VTI1A: variants seen among roughly 807,000 people sequenced by gnomAD.
The protein encoded by VTI1A is vesicle transport through interaction with t-SNAREs 1A.
VTI1A carries 22 observed loss-of-function variants against 34.9 expected under a neutral mutation model. The ratio of observed to expected loss-of-function variants is 0.63; its 90% confidence interval spans 0.45 to 0.90. The LOEUF (loss-of-function observed/expected upper bound fraction) is 0.90, where lower values mean the gene tolerates loss of function less well. Ranked by LOEUF, VTI1A falls within the 40% of genes least tolerant of loss-of-function variation. The pLI, the probability that VTI1A is intolerant of heterozygous loss-of-function variation, is 0.00. For synonymous variants in VTI1A, 87 were observed against 97.3 expected (o/e 0.89, Z 0.62); for missense variants, 268 against 275.6 (o/e 0.97, Z 0.20).
chr10:112,849,421 GC>G, the VTI1A span, among the ~76,000 whole-genome samples: 4 of 152,188 alleles, frequency 2.6e-5, no homozygotes. Context: ...GGGAGCTGGA[GC>G]CTGGGGCAAC....
In VTI1A at chr10:112,767,214, C is replaced by T. The variant is rs1022758091; in HGVS notation, c.561-48076C>T. Among the ~76,000 whole-genome samples the T allele has an allele frequency of 6.6e-6, 1 of 152,300 alleles. No individual in the cohort carries two copies. Among genetic ancestry groups the T allele is most frequent in the African/African-American group, 2.4e-5 (1 of 41,572 alleles). On this transcript the variant is annotated intron_variant, in intron 7 of 7. Transcript: ENST00000393077. This position sits in a 1 kb window ranked among gnomAD's most constrained non-coding sequence, Gnocchi z 4.0. ...TGTGCTAAGCTCTTATATGTGTTAG[C>T]GCATTTTAATTCTCACAGCAATCTT... is the stretch of plus-strand genomic sequence containing the variant.
In VTI1A at chr10:112,817,564, G is replaced by C. The variant is rs906744256; in HGVS notation, c.*2181G>C. 6 of 229,358 alleles carry C rather than the reference G, an allele frequency of 2.6e-5. No homozygotes were observed. Among genetic ancestry groups the C allele is most frequent in the African/African-American group, 4.4e-5 (2 of 45,138 alleles). 14.2% of individuals were successfully genotyped at this position (229,358 alleles called of 1,614,324 possible). ...TAACAGCTCCATCAAACCTCCTTGA[G>C]AGCAACTACCTAGGCCAGGCTAGTG... is the stretch of plus-strand genomic sequence containing the variant. On this transcript the variant is annotated 3_prime_UTR_variant, in exon 8 of 8. Coordinates refer to ENST00000393077, the MANE Select transcript of VTI1A (RefSeq NM_145206.4).
At chr10:112,697,882 G>GTGTA (rs1363097797) in intron 7 of VTI1A, among the ~76,000 whole-genome samples, 1 of 151,670 alleles carries the variant, frequency 6.6e-6, no homozygotes, top group Non-Finnish European at 1.5e-5. Flanking sequence ...GTGTGTGTGT[G>GTGTA]TGTGTGTGTG....
At chr10:112,813,792 G>A (rs929778277) in intron 7 of VTI1A, among the ~76,000 whole-genome samples, 1 of 152,184 alleles carries the variant, frequency 6.6e-6, no homozygotes, top group South Asian at 2.1e-4. Flanking sequence ...AGTGGGGAAG[G>A]GAAGAACTAA....
intron 5 of VTI1A, among the ~76,000 whole-genome samples, chr10:112,615,631 A>G (rs773249451): frequency 6.6e-6 from 1 of 152,216 alleles, no homozygotes; most frequent in Non-Finnish European, 1.5e-5. Flanking sequence ...GATTGATGGA[A>G]AGTCCAAAGG....
At chr10:112,475,217 A>G (rs1204419500) in intron 3 of VTI1A, among the ~76,000 whole-genome samples, 2 of 152,240 alleles carry the variant, frequency 1.3e-5, no homozygotes, top group Admixed American at 1.3e-4. Flanking sequence ...TATGATGACA[A>G]CTTTGGGCTT....
chr10:112,470,069 A>C (rs1367594222), intron 3 of VTI1A, among the ~76,000 whole-genome samples: 1 of 152,110 alleles, frequency 6.6e-6, no homozygotes, highest in Admixed American at 6.5e-5. Flanking sequence ...CTTGTTGTCC[A>C]ACTTTGGAAA....
At chr10:112,627,509 C>T (rs567823506) in intron 5 of VTI1A, among the ~76,000 whole-genome samples, 38 of 152,206 alleles carry the variant, frequency 2.5e-4, no homozygotes, top group Non-Finnish European at 4.6e-4. Context: ...TACCCCTACC[C>T]ATCTATCTCT....
At chr10:112,590,677 G>A (rs985009568) in intron 5 of VTI1A, among the ~76,000 whole-genome samples, 39 of 152,056 alleles carry the variant, frequency 2.6e-4, no homozygotes, top group African/African-American at 9.4e-4. Flanking sequence ...GCGAGACCCT[G>A]TCTAAACAAT....
intron 4 of VTI1A, among the ~76,000 whole-genome samples, chr10:112,535,820 C>T (rs1280630055): frequency 1.3e-5 from 2 of 152,158 alleles, no homozygotes; most frequent in Non-Finnish European, 2.9e-5. Flanking sequence ...GGGCAATGTA[C>T]AACTAAGGGA....
chr10:112,452,351 C>T (rs777148553), intron 1 of VTI1A, among the ~76,000 whole-genome samples: 25 of 152,210 alleles, frequency 1.6e-4, no homozygotes, highest in African/African-American at 4.6e-4. Context: ...GGGCAGATCA[C>T]GAGCTCAGGA....
At chr10:112,462,239 G>A (rs1193618378) in intron 2 of VTI1A, among the ~76,000 whole-genome samples, 1 of 152,160 alleles carries the variant, frequency 6.6e-6, no homozygotes, top group Non-Finnish European at 1.5e-5. Flanking sequence ...CATCTGATTT[G>A]TATTAGTCTC....
At chr10:112,544,999 G>C (rs1346114678) in intron 5 of VTI1A, among the ~76,000 whole-genome samples, 4 of 152,202 alleles carry the variant, frequency 2.6e-5, no homozygotes, top group African/African-American at 4.8e-5. Context: ...CTGATCTGAA[G>C]TGTGGAGAAC....
Position 112,544,106 on chromosome 10 carries a change from G to A in VTI1A, c.427+5776G>A, listed in dbSNP as rs557411886. On this transcript the variant is annotated intron_variant, in intron 5 of 7. Transcript: ENST00000393077. ...GCCTTGTAGTATAGTTTGAAGTCAG[G>A]TAGTGTGACACCTCGTGCTTTGTTC... is the stretch of plus-strand genomic sequence containing the variant. Among the ~76,000 whole-genome samples, 7 of 152,332 alleles carry A rather than the reference G, an allele frequency of 4.6e-5. No individual in the cohort carries two copies. In the South Asian group the frequency reaches 1.4e-3, roughly 32 times the overall value.
chr10:112,530,884 T>C (rs932126415), intron 4 of VTI1A, among the ~76,000 whole-genome samples: 2 of 152,160 alleles, frequency 1.3e-5, no homozygotes, highest in African/African-American at 4.8e-5. Context: ...TGAGGGTTTA[T>C]AGCAAAATAA....
At chr10:112,501,765 G>A (rs2134155754) in intron 3 of VTI1A, among the ~76,000 whole-genome samples, 1 of 150,100 alleles carries the variant, frequency 6.7e-6, no homozygotes, top group South Asian at 2.1e-4. Context: ...GGATAATTGA[G>A]CAACTTATTT....
At chr10:112,785,302 C>T (rs1343092949) in intron 7 of VTI1A, among the ~76,000 whole-genome samples, 3 of 152,192 alleles carry the variant, frequency 2.0e-5, no homozygotes, top group Non-Finnish European at 4.4e-5. Flanking sequence ...AGAGGAATGA[C>T]CAGAGGCAAT....
chr10:112,709,472 T>A (rs1849323140), intron 7 of VTI1A, among the ~76,000 whole-genome samples: 1 of 151,980 alleles, frequency 6.6e-6, no homozygotes, highest in African/African-American at 2.4e-5. Context: ...TCGCTTGACC[T>A]GCACCTCAGC....
chr10:112,544,092 T>C (rs542209636), intron 5 of VTI1A, among the ~76,000 whole-genome samples: 96 of 152,364 alleles, frequency 6.3e-4, no homozygotes, highest in African/African-American at 2.3e-3. Flanking sequence ...CCTTGTAGTA[T>C]AGTTTGAAGT....
Sources: allele counts gnomAD v4.1 joint callset (sites outside exome capture counted in the v4.1 genomes callset), GRCh38; gene constraint gnomAD v4.1.1; non-coding constraint Gnocchi (gnomAD v3.1); transcripts MANE v1.5; gene names NCBI Gene and HGNC (gene_info 2026-07-23, HGNC 2026-07-21).